LNPEP: variants seen among roughly 807,000 people sequenced by gnomAD.
LNPEP encodes the protein leucyl and cystinyl aminopeptidase.
A neutral mutation model predicts 120.6 loss-of-function variants in LNPEP; 64 were observed. That is an observed-to-expected ratio of 0.53 (90% CI 0.43 to 0.65). The LOEUF is 0.65. Among genes scored for constraint, LNPEP ranks in the 30% least tolerant of loss-of-function variants. The pLI, the probability that LNPEP is intolerant of heterozygous loss-of-function variation, is 0.00. For missense variants in LNPEP, 1,057 were observed against 1,200.0 expected (o/e 0.88, Z 1.76); for synonymous variants, 435 against 425.4 (o/e 1.02, Z -0.28).
rs1324002835 is a variant in LNPEP, at chr5:97,027,722, T to C, written c.2865-11T>C. 1 of 1,560,344 alleles carries C rather than the reference T, an allele frequency of 6.4e-7. No individual in the cohort carries two copies. Among genetic ancestry groups the C allele is most frequent in the Admixed American group, 1.7e-5 (1 of 59,764 alleles). ...CCTAATCTTTTTGCTCTTGTTTTTG[T>C]GTTTCTTCAGGTTCCCTCTGGGGTC... On this transcript the variant is annotated splice_polypyrimidine_tract_variant and intron_variant, in intron 16 of 17. Transcript: ENST00000231368.
intron 11 of LNPEP, among the ~76,000 whole-genome samples, chr5:97,009,743 C>T (rs900992398): frequency 6.6e-6 from 1 of 152,196 alleles, no homozygotes; most frequent in Admixed American, 6.5e-5. Flanking sequence ...CACATGAAAA[C>T]TTCTGTCCTT....
rs1355187793 is a variant in LNPEP at position 97,021,082 on chromosome 5, A to G, written c.2377-1218A>G. Among the ~76,000 whole-genome samples, 4 of 152,352 alleles carry G rather than the reference A, an allele frequency of 2.6e-5. No individual in the cohort carries two copies. The East Asian group carries it at 7.7e-4, about 29-fold the overall frequency. ...AGCCAATACCAATGGACTAGATTGGATGATATTAATGAATAACTATTAGTT... is the reference window on the plus strand; with the variant it reads ...AGCCAATACCAATGGACTAGATTGGGTGATATTAATGAATAACTATTAGTT... On this transcript the variant is annotated intron_variant, in intron 13 of 17. Coordinates refer to ENST00000231368, the MANE Select transcript of LNPEP (RefSeq NM_005575.3).
intron 11 of LNPEP, among the ~76,000 whole-genome samples, chr5:97,007,129 A>C (rs1790806532): frequency 6.6e-6 from 1 of 152,214 alleles, no homozygotes; most frequent in Admixed American, 6.5e-5. Flanking sequence ...GTCACACCAC[A>C]TATCTTCCTT....
At chr5:96,954,849 C>T (rs1255693087) in intron 1 of LNPEP, among the ~76,000 whole-genome samples, 1 of 128,120 alleles carries the variant, frequency 7.8e-6, no homozygotes, top group Non-Finnish European at 1.6e-5. Context: ...GTGGCACGAT[C>T]TCGGCTCACT....
Position 96,998,000 on chromosome 5 carries a change from T to C in LNPEP, c.1522-14T>C. 6.5e-7 allele frequency: 1 copy of C among 1,526,936 alleles called. No homozygotes were observed. The highest frequency in any genetic ancestry group is 8.9e-7 in the Non-Finnish European group (1 of 1,121,678). The allele number at this position is 1,526,936 out of a possible 1,614,324, so 94.6% of individuals were successfully genotyped here. A position where few individuals can be genotyped will look rare whatever the true frequency, so the allele number is the denominator to read the frequency against. On this transcript the variant is annotated splice_polypyrimidine_tract_variant and intron_variant, in intron 7 of 17. Coordinates refer to ENST00000231368, the MANE Select transcript of LNPEP (RefSeq NM_005575.3). ...TACTACTTGTGATATTCTAATCTTTTCATTTTTTGACAGTATGAAGATTTC... is the reference window on the plus strand; with the variant it reads ...TACTACTTGTGATATTCTAATCTTTCCATTTTTTGACAGTATGAAGATTTC...
chr5:96,974,952 T>C (rs1429095379), intron 1 of LNPEP, among the ~76,000 whole-genome samples: 1 of 152,136 alleles, frequency 6.6e-6, no homozygotes, highest in East Asian at 1.9e-4. Context: ...AGTCTCCCTT[T>C]CGATAGTCTC....
intron 13 of LNPEP, among the ~76,000 whole-genome samples, chr5:97,020,274 A>G (rs1791161082): frequency 6.6e-6 from 1 of 152,206 alleles, no homozygotes. Context: ...AATACCTAAA[A>G]GAAAGGAAGA....
At chr5:97,001,937 C>T (rs1270411367) in intron 8 of LNPEP, among the ~76,000 whole-genome samples, 1 of 152,066 alleles carries the variant, frequency 6.6e-6, no homozygotes, top group African/African-American at 2.4e-5. Context: ...GTCAGCAGTT[C>T]AAGAACAGTC....
At chr5:97,008,571 C>G (rs1425718085) in intron 11 of LNPEP, among the ~76,000 whole-genome samples, 2 of 150,732 alleles carry the variant, frequency 1.3e-5, no homozygotes, top group Non-Finnish European at 3.0e-5. Flanking sequence ...AGGCTGGTCT[C>G]AAACCCCTGG....
At chr5:96,948,904 C>A (rs1789256120) in intron 1 of LNPEP, among the ~76,000 whole-genome samples, 1 of 152,116 alleles carries the variant, frequency 6.6e-6, no homozygotes, top group Non-Finnish European at 1.5e-5. Context: ...CAGCCATATT[C>A]AAATCCTGGC....
At chr5:97,001,530 CTGA>C in intron 8 of LNPEP, among the ~76,000 whole-genome samples, 2 of 152,218 alleles carry the variant, frequency 1.3e-5, no homozygotes, top group Non-Finnish European at 2.9e-5. Flanking sequence ...GGGAAGAAGT[CTGA>C]TTAGATATAT....
chr5:97,013,291 T>A (rs1582027887), intron 11 of LNPEP, among the ~76,000 whole-genome samples: 1 of 152,270 alleles, frequency 6.6e-6, no homozygotes, highest in East Asian at 1.9e-4. Context: ...AAGCATTTTT[T>A]CTATGTGCAT....
intron 13 of LNPEP, 52 bp from the exon 14 acceptor site, chr5:97,022,248 T>C: frequency 7.8e-6 from 9 of 1,157,794 alleles, no homozygotes; most frequent in East Asian, 2.4e-5. Flanking sequence ...CTGTTTTTTT[T>C]CTGATTGTCC....
chr5:96,953,646 G>C (rs947115811), intron 1 of LNPEP, among the ~76,000 whole-genome samples: 1 of 152,180 alleles, frequency 6.6e-6, no homozygotes, highest in African/African-American at 2.4e-5. Context: ...ATATAAAAAT[G>C]TGTGGTTCTC....
chr5:96,952,141 TA>T lies in LNPEP; in HGVS notation c.19+15975del, dbSNP rs955048941. Among the ~76,000 whole-genome samples the T allele has an allele frequency of 1.9e-3, 286 of 152,032 alleles. 1 individual carries two copies. The highest frequency in any genetic ancestry group is 6.0e-3 in the African/African-American group (247 of 41,486). On this transcript the variant is annotated intron_variant, in intron 1 of 17. Coordinates refer to ENST00000231368, the MANE Select transcript of LNPEP (RefSeq NM_005575.3). ...CACCTTTTACATATTAAATAAAATT[TA>T]AAAAAAAGAGAATTATTATTTTCCA...
chr5:97,008,726 G>C (rs1353642021), intron 11 of LNPEP, among the ~76,000 whole-genome samples: 1 of 145,082 alleles, frequency 6.9e-6, no homozygotes, highest in African/African-American at 2.6e-5. Context: ...GTGCAGTGGC[G>C]CGATCTCAGC....
chr5:96,980,174 G>A lies in LNPEP; in HGVS notation c.860+196G>A, dbSNP rs1239887837. On this transcript the variant is annotated intron_variant, in intron 2 of 17. Transcript: ENST00000231368. ...CGCCTTGAGCATATATCATGGTGGG[G>A]TGGAGATAGGGGTGTGCTGGTGGAA... Among the ~76,000 whole-genome samples the A allele has an allele frequency of 2.6e-5, 4 of 152,124 alleles. No individual in the cohort carries two copies. The South Asian group carries it at 8.3e-4, about 31-fold the overall frequency.
At chr5:96,939,368 C>CATGCCCAAATAA (rs1291960777) in intron 1 of LNPEP, among the ~76,000 whole-genome samples, 2 of 152,144 alleles carry the variant, frequency 1.3e-5, no homozygotes, top group East Asian at 3.9e-4. Context: ...CGCCCGCCAC[C>CATGCCCAAATAA]ATGCCCAAAT....
At chr5:97,024,717 C>A in intron 15 of LNPEP, 35 bp downstream of exon 15, 1 of 1,578,536 alleles carries the variant, frequency 6.3e-7, no homozygotes. Flanking sequence ...TATACAGAAA[C>A]CAAAAGAATA....
Sources: gnomAD v4.1 joint callset for allele counts (sites outside exome capture counted in the v4.1 genomes callset) on GRCh38, gnomAD v4.1.1 for gene constraint, MANE v1.5 for transcripts, NCBI Gene and HGNC (gene_info 2026-07-23, HGNC 2026-07-21) for gene names.